The following LRRC7 variants were observed in gnomAD, a reference collection of about 807,000 sequenced individuals.
LRRC7 encodes leucine rich repeat containing 7.
LRRC7 carries 23 observed loss-of-function variants against 175.7 expected under a neutral mutation model. The observed-to-expected ratio is 0.13, with a 90% CI of 0.09 to 0.19. The LOEUF is 0.19. Ranked by LOEUF, LRRC7 falls within the 10% of genes least tolerant of loss-of-function variation. The pLI is 1.00. For missense variants in LRRC7, 1,354 were observed against 1,904.7 expected (o/e 0.71, Z 5.38); for synonymous variants, 685 against 680.9 (o/e 1.01, Z -0.09).
At chr1:70,057,698 G>A (rs1450853537) in intron 23 of LRRC7, among the ~76,000 whole-genome samples, 1 of 152,088 alleles carries the variant, frequency 6.6e-6, no homozygotes, top group Non-Finnish European at 1.5e-5. Context: ...TGAACTTGTG[G>A]CTCTCTGTTC....
rs571256874 is a variant in LRRC7, at chr1:69,683,771, A to G, written c.100+5293A>G. ...TTTAGAGAAAAGAAAAAGAAAAATG[A>G]ACATTATTGAGCAGGGAATTATAAA... On this transcript the variant is annotated intron_variant, in intron 2 of 26. Coordinates refer to ENST00000651989, the MANE Select transcript of LRRC7 (RefSeq NM_001370785.2). Among the ~76,000 whole-genome samples the G allele has an allele frequency of 9.2e-5, 14 of 152,276 alleles. 1 individual carries two copies. In the South Asian group the frequency reaches 1.0e-3, roughly 11 times the overall value.
rs1487050577 is a variant in LRRC7 at position 70,125,740 on chromosome 1, C to G, written c.*3853C>G. ...CCAGGAGGCGGAGCTTGCAGTGAGCCGAGATCCCGCCACTGCACTCCAGCC... is the reference window on the plus strand; with the variant it reads ...CCAGGAGGCGGAGCTTGCAGTGAGCGGAGATCCCGCCACTGCACTCCAGCC... On this transcript the variant is annotated 3_prime_UTR_variant, in exon 27 of 27. Transcript: ENST00000651989. 1.5e-5 allele frequency among the ~76,000 whole-genome samples: 2 copies of G among 134,926 alleles called. No individual in the cohort carries two copies. The highest frequency in any genetic ancestry group is 3.1e-5 in the Non-Finnish European group (2 of 64,676). 88.5% of individuals were successfully genotyped at this position (134,926 alleles called of 152,430 possible). A position where few individuals can be genotyped will look rare whatever the true frequency, so the allele number is the denominator to read the frequency against.
At chr1:69,698,291 C>A (rs1404668827) in intron 2 of LRRC7, among the ~76,000 whole-genome samples, 6 of 151,590 alleles carry the variant, frequency 4.0e-5, no homozygotes, top group Non-Finnish European at 7.4e-5. Flanking sequence ...ATATTCAAGG[C>A]ACATAATCTC....
chr1:70,026,686 T>C (rs1457844382), intron 17 of LRRC7, among the ~76,000 whole-genome samples: 1 of 152,068 alleles, frequency 6.6e-6, no homozygotes, highest in African/African-American at 2.4e-5. Flanking sequence ...TATTTGAGAG[T>C]TTAAAGAGAT....
chr1:70,020,799 G>T, intron 15 of LRRC7: 1 of 323,104 alleles, frequency 3.1e-6, no homozygotes, highest in Non-Finnish European at 5.4e-6. Context: ...TACTGAATTT[G>T]AGTTAAGATT....
At chr1:69,914,658 ATCT>A (rs1646633115) in intron 7 of LRRC7, among the ~76,000 whole-genome samples, 1 of 152,190 alleles carries the variant, frequency 6.6e-6, no homozygotes, top group Non-Finnish European at 1.5e-5. Flanking sequence ...TATCTGTTAT[ATCT>A]TTATTCATGG....
chr1:70,114,808 A>G (rs559701169), intron 26 of LRRC7, among the ~76,000 whole-genome samples: 1 of 152,360 alleles, frequency 6.6e-6, no homozygotes, highest in African/African-American at 2.4e-5. Context: ...TGTTGAGGAA[A>G]TGCTTTTTGA....
chr1:69,815,272 G>T (rs543436786), intron 4 of LRRC7, among the ~76,000 whole-genome samples: 17 of 152,094 alleles, frequency 1.1e-4, no homozygotes, highest in Non-Finnish European at 2.1e-4. Context: ...GGAAAACGGT[G>T]TGTGCAAAAT....
chr1:70,043,815 G>A, intron 21 of LRRC7, 139 bp from the exon 22 acceptor site: 2 of 913,234 alleles, frequency 2.2e-6, no homozygotes, highest in Non-Finnish European at 1.6e-6. Context: ...GCTTCTGTCT[G>A]ATCAAGTGCA....
chr1:69,928,204 G>A (rs1036705428), intron 7 of LRRC7, among the ~76,000 whole-genome samples: 3 of 152,178 alleles, frequency 2.0e-5, no homozygotes, highest in African/African-American at 7.2e-5. Flanking sequence ...TGAGGTGTCA[G>A]TCTGCCCCTA....
intron 4 of LRRC7, among the ~76,000 whole-genome samples, chr1:69,813,950 T>C (rs1375230585): frequency 6.6e-6 from 1 of 152,140 alleles, no homozygotes; most frequent in Non-Finnish European, 1.5e-5. Context: ...AATGAATAAA[T>C]GTAAAAATCA....
chr1:69,663,424 T>A (rs1657772506), intron 1 of LRRC7, among the ~76,000 whole-genome samples: 1 of 152,216 alleles, frequency 6.6e-6, no homozygotes. Flanking sequence ...ACAAATGATA[T>A]TAGGATAAAT....
At chr1:69,671,436 TG>T (rs1246323479) in intron 1 of LRRC7, among the ~76,000 whole-genome samples, 1 of 152,140 alleles carries the variant, frequency 6.6e-6, no homozygotes, top group African/African-American at 2.4e-5. Flanking sequence ...GAGTCTCTTT[TG>T]GAACCATGAG....
chr1:69,919,513 G>A (rs1646817255), intron 7 of LRRC7: 11 of 830,256 alleles, frequency 1.3e-5, no homozygotes, highest in South Asian at 4.4e-5. Flanking sequence ...GGGGGAGCCC[G>A]CCAGGGTCCG....
intron 8 of LRRC7, among the ~76,000 whole-genome samples, chr1:69,950,882 A>T (rs1265725912): frequency 6.6e-6 from 1 of 152,142 alleles, no homozygotes; most frequent in African/African-American, 2.4e-5. Context: ...TAATGTTAGA[A>T]TTGAAATAAG....
intron 1 of LRRC7, among the ~76,000 whole-genome samples, chr1:69,659,727 A>G (rs976799715): frequency 7.0e-6 from 1 of 143,794 alleles, no homozygotes; most frequent in South Asian, 2.3e-4. Flanking sequence ...AGAAAATTCT[A>G]AAGGATGAAG....
At chr1:70,023,464 G>T (rs1187918800) in intron 17 of LRRC7, 90 bp downstream of exon 17, 2 of 1,291,792 alleles carry the variant, frequency 1.5e-6, no homozygotes, top group Non-Finnish European at 1.0e-6. Flanking sequence ...ATGATTTGGG[G>T]TAAGAAATGT....
intron 23 of LRRC7, among the ~76,000 whole-genome samples, chr1:70,056,740 G>A (rs1048056694): frequency 6.6e-6 from 1 of 152,148 alleles, no homozygotes; most frequent in Non-Finnish European, 1.5e-5. Context: ...AAGAAACGGA[G>A]TTATATGACT....
chr1:69,620,303 A>G (rs1490402723), intron 1 of LRRC7, among the ~76,000 whole-genome samples: 1 of 152,098 alleles, frequency 6.6e-6, no homozygotes, highest in Non-Finnish European at 1.5e-5. Flanking sequence ...AATACAGTAA[A>G]TATATTAGAT....
Sources: gnomAD v4.1 joint callset for allele counts (sites outside exome capture counted in the v4.1 genomes callset) on GRCh38, gnomAD v4.1.1 for gene constraint, MANE v1.5 for transcripts, NCBI Gene and HGNC (gene_info 2026-07-23, HGNC 2026-07-21) for gene names.